Variants in TMPRSS11F observed in about 807,000 individuals in gnomAD.
TMPRSS11F encodes the protein transmembrane protease serine 11F.
Under a neutral mutation model 60.2 loss-of-function variants are expected in TMPRSS11F, and 47 were observed. The ratio of observed to expected loss-of-function variants is 0.78; its 90% CI spans 0.62 to 1.00. The LOEUF is 1.00. Ranked by LOEUF, TMPRSS11F falls within the 50% of genes least tolerant of loss-of-function variation. The pLI is 0.00. For synonymous variants in TMPRSS11F, 166 were observed against 167.3 expected, an observed-to-expected ratio of 0.99 and a Z score of 0.06; for missense variants, 519 against 522.9, an observed-to-expected ratio of 0.99 and a Z score of 0.07.
chr4:68,108,406 A>G (rs1402149964), intron 1 of TMPRSS11F, among the ~76,000 whole-genome samples: 1 of 152,286 alleles, frequency 6.6e-6, no homozygotes, highest in African/African-American at 2.4e-5. Context: ...GGGTGTACAG[A>G]AGTCTGCCAG....
At chr4:68,060,995 T>C (rs2109830677) in intron 8 of TMPRSS11F, among the ~76,000 whole-genome samples, 1 of 152,082 alleles carries the variant, frequency 6.6e-6, no homozygotes, top group South Asian at 2.1e-4. Context: ...ATAGTATGTT[T>C]TTGTCTATTT....
At chr4:68,073,399 AAAG>A (rs1338857387) in intron 4 of TMPRSS11F, among the ~76,000 whole-genome samples, 5 of 152,200 alleles carry the variant, frequency 3.3e-5, no homozygotes, top group African/African-American at 1.2e-4. Flanking sequence ...AGATAAAAGA[AAAG>A]AAGGAAGGAA....
At position 68,068,833 on chromosome 4, in the gene TMPRSS11F, A is replaced by C. The variant is rs746496099; in HGVS notation, c.554-14T>G. The C allele has an allele frequency of 1.9e-6, 3 of 1,612,970 alleles. No individual in the cohort carries two copies. In the African/African-American group the frequency reaches 4.0e-5, roughly 22 times the overall value. On this transcript the variant is annotated splice_polypyrimidine_tract_variant and intron_variant, in intron 6 of 9. Transcript: ENST00000356291. ...TTATTCCACAGCCTGCCACAGAAAT[A>C]CATGATCATTCATATTCATAAAAAG...
intron 1 of TMPRSS11F, among the ~76,000 whole-genome samples, chr4:68,111,845 T>G (rs1724415273): frequency 6.6e-6 from 1 of 152,200 alleles, no homozygotes; most frequent in Non-Finnish European, 1.5e-5. Context: ...AACCAAGATT[T>G]GGACTCAGAA....
chr4:68,064,830 A>G lies in TMPRSS11F; in HGVS notation c.870T>C (p.Asn290=). The G allele has an allele frequency of 6.2e-7, 1 of 1,614,120 alleles. No homozygotes were observed. ...ILHENYHRET[N]ENDIALVQLS... is the part of the protein sequence containing the mutation. ...GCTGAACCAAAGCAATGTCATTTTC[A>G]TTTGTTTCTCTATGGTAATTCTCAT... is the stretch of plus-strand genomic sequence containing the variant. Residue 290 remains asparagine, a synonymous_variant, in exon 8 of 10, where the codon AAT becomes AAC. Coordinates refer to ENST00000356291, the MANE Select transcript of TMPRSS11F (RefSeq NM_207407.2).
intron 1 of TMPRSS11F, among the ~76,000 whole-genome samples, chr4:68,124,230 A>AC (rs945554554): frequency 1.3e-5 from 2 of 151,888 alleles, no homozygotes; most frequent in Admixed American, 6.6e-5. Context: ...TAAAAAAAAA[A>AC]AAAAACAAAC....
intron 1 of TMPRSS11F, among the ~76,000 whole-genome samples, chr4:68,099,730 G>A (rs1415296205): frequency 2.0e-5 from 3 of 151,892 alleles, no homozygotes; most frequent in Non-Finnish European, 4.4e-5. Flanking sequence ...AATATTTATT[G>A]TGAACTTGTT....
intron 8 of TMPRSS11F, chr4:68,061,804 A>G (rs878934744): frequency 2.9e-4 from 128 of 440,584 alleles, no homozygotes; most frequent in South Asian, 7.4e-4. Flanking sequence ...GTAGTTCTAC[A>G]GTACAACCTG....
chr4:68,081,050 A>G (rs933781593), intron 3 of TMPRSS11F: 3 of 152,254 alleles, frequency 2.0e-5, no homozygotes, highest in Non-Finnish European at 4.4e-5. Context: ...GGAACGAAGA[A>G]TGAAAAAAGA....
At position 68,120,424 on chromosome 4, in the gene TMPRSS11F, T is replaced by C. The variant is rs377175088; in HGVS notation, c.11+9386A>G. On this transcript the variant is annotated intron_variant, in intron 1 of 9. Transcript: ENST00000356291. Reference sequence around the variant, plus strand: ...TTTTTTTTGAGACGGAGTCTCGCTCTGTCGCCCAGGCTGGAGTGCAGTGGC... The same window carrying C: ...TTTTTTTTGAGACGGAGTCTCGCTCCGTCGCCCAGGCTGGAGTGCAGTGGC... Among the ~76,000 whole-genome samples the C allele has an allele frequency of 2.2e-3, 317 of 143,544 alleles. 4 individuals carry two copies. Among genetic ancestry groups the C allele is most frequent in the Non-Finnish European group, 1.5e-3 (103 of 66,944 alleles). The allele number at this position is 143,544 out of a possible 152,430, so 94.2% of individuals were successfully genotyped here.
intron 1 of TMPRSS11F, among the ~76,000 whole-genome samples, chr4:68,124,990 A>G (rs1450185512): frequency 3.9e-5 from 4 of 102,680 alleles, no homozygotes; most frequent in Non-Finnish European, 8.1e-5. Context: ...AGACTTTTCA[A>G]TCCTTGATGC....
intron 7 of TMPRSS11F, among the ~76,000 whole-genome samples, 174 bp downstream of exon 7, chr4:68,068,444 A>C (rs1723375284): frequency 6.6e-6 from 1 of 152,210 alleles, no homozygotes; most frequent in Admixed American, 6.5e-5. Flanking sequence ...CAAATGACAA[A>C]AACTAACCAT....
intron 1 of TMPRSS11F, among the ~76,000 whole-genome samples, chr4:68,114,065 AT>A (rs1329079526): frequency 2.6e-5 from 4 of 152,094 alleles, no homozygotes; most frequent in African/African-American, 4.8e-5. Context: ...AACTTAAAAA[AT>A]ATTTTGTTTT....
chr4:68,057,231 T>A (rs1486078153), intron 9 of TMPRSS11F, among the ~76,000 whole-genome samples: 1 of 150,312 alleles, frequency 6.7e-6, no homozygotes, highest in Non-Finnish European at 1.5e-5. Flanking sequence ...GTTGCAGTGA[T>A]TCTAGATCGT....
intron 2 of TMPRSS11F, among the ~76,000 whole-genome samples, chr4:68,091,460 A>C (rs576218759): frequency 6.3e-4 from 96 of 152,144 alleles, no homozygotes; most frequent in East Asian, 4.3e-3. Flanking sequence ...TGACTCCTAA[A>C]TTCTTTATCT....
At chr4:68,067,176 T>G (rs191172790) in intron 7 of TMPRSS11F, among the ~76,000 whole-genome samples, 5 of 152,322 alleles carry the variant, frequency 3.3e-5, no homozygotes, top group Admixed American at 1.3e-4. Flanking sequence ...TTCCTTTAAC[T>G]TCACAACTTC....
At chr4:68,113,936 G>A (rs570671785) in intron 1 of TMPRSS11F, among the ~76,000 whole-genome samples, 32 of 151,932 alleles carry the variant, frequency 2.1e-4, no homozygotes, top group South Asian at 2.1e-4. Flanking sequence ...TATGTTCTTC[G>A]ATTTTAAAAG....
chr4:68,064,801 G>A lies in TMPRSS11F; in HGVS notation c.899C>T (p.Ser300Phe). Residue 300 changes from serine to phenylalanine, a missense_variant, in exon 8 of 10, where the codon TCT (serine) becomes TTT (phenylalanine). Ser to Phe is a radical substitution (Grantham distance 155). Transcript: ENST00000356291. ...NENDIALVQL[S>F]TGVEFSNIVQ... ...TATATTTGAAAACTCAACTCCAGTAGAGAGCTGAACCAAAGCAATGTCATT... is the reference window on the plus strand; with the variant it reads ...TATATTTGAAAACTCAACTCCAGTAAAGAGCTGAACCAAAGCAATGTCATT... 3 of 1,614,174 alleles carry A rather than the reference G, an allele frequency of 1.9e-6. No homozygotes were observed. The highest frequency in any genetic ancestry group is 2.5e-6 in the Non-Finnish European group (3 of 1,180,020).
intron 3 of TMPRSS11F, among the ~76,000 whole-genome samples, chr4:68,088,857 T>G (rs572772288): frequency 1.3e-5 from 2 of 152,060 alleles, no homozygotes; most frequent in South Asian, 2.1e-4. Flanking sequence ...AAGAGGTAAA[T>G]GATCCCTACA....
Sources: gnomAD v4.1 joint callset for allele counts (sites outside exome capture counted in the v4.1 genomes callset) on GRCh38, gnomAD v4.1.1 for gene constraint, MANE v1.5 for transcripts, NCBI Gene and HGNC (gene_info 2026-07-23, HGNC 2026-07-21) for gene names.